The following AHI1 variants were observed in gnomAD, a reference collection of about 807,000 sequenced individuals.
AHI1 encodes the protein Abelson helper integration site 1, also known as jouberin.
In AHI1, 123 loss-of-function variants were observed where a neutral mutation model predicts 149.3. The ratio of observed to expected loss-of-function variants is 0.82; its 90% confidence interval spans 0.71 to 0.96. The LOEUF (loss-of-function observed/expected upper bound fraction) is 0.96, where lower values mean the gene tolerates loss of function less well. Ranked by LOEUF, AHI1 falls within the 40% of genes least tolerant of loss-of-function variation. The pLI, the probability that AHI1 is intolerant of heterozygous loss-of-function variation, is 0.00. For missense variants in AHI1, 1,439 were observed against 1,422.7 expected (o/e 1.01, Z -0.18); for synonymous variants, 475 against 459.8 (o/e 1.03, Z -0.42).
At chr6:135,441,528 CA>C (rs1786293118) in intron 14 of AHI1, among the ~76,000 whole-genome samples, 1 of 149,276 alleles carries the variant, frequency 6.7e-6, no homozygotes, top group Non-Finnish European at 1.5e-5. Context: ...AAACCAAAGA[CA>C]AAGATTCCTC....
At chr6:135,407,904 G>A (rs993219737) in intron 21 of AHI1, among the ~76,000 whole-genome samples, 3 of 151,846 alleles carry the variant, frequency 2.0e-5, no homozygotes, top group East Asian at 3.9e-4. Context: ...GCGTGGTGGC[G>A]GGCACCTGTA....
At chr6:135,496,223 T>C (rs1009696162) in intron 2 of AHI1, among the ~76,000 whole-genome samples, 3 of 152,026 alleles carry the variant, frequency 2.0e-5, no homozygotes. Flanking sequence ...TTCAAGCAAT[T>C]CACCTGCCTC....
intron 5 of AHI1, among the ~76,000 whole-genome samples, chr6:135,482,894 C>T (rs866143341): frequency 0.013 from 743 of 55,672 alleles, 11 homozygotes; most frequent in Middle Eastern, 0.065. Flanking sequence ...CCATTTAAGG[C>T]TTTTTTTTTT....
At chr6:135,444,875 G>C (rs561618872) in intron 13 of AHI1, among the ~76,000 whole-genome samples, 3 of 152,304 alleles carry the variant, frequency 2.0e-5, no homozygotes, top group African/African-American at 7.2e-5. Context: ...ATTATGAAAA[G>C]AAGTTGACTT....
chr6:135,452,977 T>C (rs913028790), intron 11 of AHI1, among the ~76,000 whole-genome samples: 13 of 152,202 alleles, frequency 8.5e-5, no homozygotes, highest in Non-Finnish European at 1.5e-4. Context: ...GTTTTATGTT[T>C]GTGTTGCTGG....
At chr6:135,444,065 A>C (rs1040093838) in intron 13 of AHI1, among the ~76,000 whole-genome samples, 12 of 152,178 alleles carry the variant, frequency 7.9e-5, no homozygotes, top group African/African-American at 1.2e-4. Flanking sequence ...ACTCAATGAA[A>C]GTCTGATAAC....
chr6:135,374,342 G>C (rs113582332), intron 23 of AHI1, among the ~76,000 whole-genome samples: 2,670 of 151,712 alleles, frequency 0.018, 41 homozygotes, highest in African/African-American at 0.034. Flanking sequence ...TCGATCTCCT[G>C]ACCTCGTGAT....
chr6:135,338,174 C>T (rs909574412), intron 24 of AHI1, among the ~76,000 whole-genome samples: 14 of 151,736 alleles, frequency 9.2e-5, no homozygotes, highest in African/African-American at 3.4e-4. Flanking sequence ...GTGGCGCACA[C>T]CTGTAATCCC....
chr6:135,357,922 G>A lies in AHI1; in HGVS notation c.3165+210C>T, dbSNP rs374382857. On this transcript the variant is annotated intron_variant, in intron 24 of 28. Coordinates refer to ENST00000265602, the MANE Select transcript of AHI1 (RefSeq NM_001134831.2). The stretch of plus-strand genomic sequence containing the variant: ...ACAAAATAACATTCATTTTTAGAAG[G>A]GTAAAAATCAATTTGCACAAATACT... Among the ~76,000 whole-genome samples the A allele has an allele frequency of 1.7e-3, 255 of 151,736 alleles. 1 individual carries two copies. Among genetic ancestry groups the A allele is most frequent in the African/African-American group, 5.9e-3 (244 of 41,376 alleles).
At chr6:135,329,849 G>T (rs1170729335) in intron 24 of AHI1, among the ~76,000 whole-genome samples, 1 of 152,124 alleles carries the variant, frequency 6.6e-6, no homozygotes, top group Non-Finnish European at 1.5e-5. Flanking sequence ...CATTAACAGG[G>T]GTGTGGAAGG....
intron 21 of AHI1, among the ~76,000 whole-genome samples, chr6:135,408,608 GAAGA>G (rs1232195105): frequency 2.0e-5 from 3 of 152,106 alleles, no homozygotes; most frequent in Non-Finnish European, 4.4e-5. Context: ...ACTTTAGAAA[GAAGA>G]GAGAGGAAGA....
intron 23 of AHI1, among the ~76,000 whole-genome samples, chr6:135,365,353 G>C (rs1774017159): frequency 6.6e-6 from 1 of 152,074 alleles, no homozygotes; most frequent in Admixed American, 6.5e-5. Context: ...AAATGATGGT[G>C]GTATTTTGAT....
intron 24 of AHI1, among the ~76,000 whole-genome samples, chr6:135,327,898 C>T (rs796717895): frequency 2.4e-4 from 37 of 152,156 alleles, no homozygotes; most frequent in African/African-American, 8.0e-4. Context: ...CTTCATAGAT[C>T]GCTCTACGTA....
chr6:135,409,754 G>A (rs1002171585), intron 21 of AHI1, among the ~76,000 whole-genome samples: 6 of 152,040 alleles, frequency 3.9e-5, no homozygotes, highest in East Asian at 1.9e-4. Context: ...AAAATCAAGC[G>A]ATTTCACTAG....
Position 135,433,086 on chromosome 6 carries a change from A to T in AHI1, c.2207T>A (p.Leu736Ter). Residue 736 changes from leucine (L) to a stop codon, truncating the protein, a stop_gained, in exon 16 of 29, where the codon TTG (leucine) becomes TAG (stop). Transcript: ENST00000265602. LOFTEE classifies it high-confidence loss of function. ...KVEMREDSAI[L>*]VRQFDVHKSF... ...TTTGTGAACATCAAACTGTCGGACC[A>T]ATATGGCAGAATCTTCTCTCATCTC... is the stretch of plus-strand genomic sequence containing the variant. 1.2e-6 allele frequency: 2 copies of T among 1,613,752 alleles called. No homozygotes were observed. The highest frequency in any genetic ancestry group is 2.2e-5 in the South Asian group (2 of 91,080).
At position 135,457,725 on chromosome 6, in the gene AHI1, GA is replaced by G. The variant is rs753114452; in HGVS notation, c.932-13del. The G allele has an allele frequency of 3.0e-5, 47 of 1,589,410 alleles. No individual in the cohort carries two copies. The highest frequency in any genetic ancestry group is 7.9e-5 in the South Asian group (7 of 88,540). ...ATTATTATCTGCAACTACACGCATGGAAAAAAAAATCAATGTTATAATTAGT... is the reference window on the plus strand; with the variant it reads ...ATTATTATCTGCAACTACACGCATGGAAAAAAAATCAATGTTATAATTAGT... On this transcript the variant is annotated splice_polypyrimidine_tract_variant and intron_variant, in intron 8 of 28. Transcript: ENST00000265602.
chr6:135,301,032 C>G (rs1040895623), intron 26 of AHI1: 1 of 984,592 alleles, frequency 1.0e-6, no homozygotes, highest in South Asian at 4.7e-5. Context: ...TTCAGTATAT[C>G]TTGTTTTATT....
chr6:135,461,103 A>G (rs540644116), intron 8 of AHI1, among the ~76,000 whole-genome samples: 1 of 151,464 alleles, frequency 6.6e-6, no homozygotes, highest in East Asian at 1.9e-4. Flanking sequence ...AAAGACACCA[A>G]TGAGAGAGAA....
chr6:135,405,047 C>CAATTAGA, intron 21 of AHI1, 70 bp from the exon 22 acceptor site: 3 of 1,308,490 alleles, frequency 2.3e-6, no homozygotes. Context: ...GCAAAACACT[C>CAATTAGA]AGATGTTTAT....
Sources: gnomAD v4.1 joint callset for allele counts (sites outside exome capture counted in the v4.1 genomes callset) on GRCh38, gnomAD v4.1.1 for gene constraint, MANE v1.5 for transcripts, NCBI Gene and HGNC (gene_info 2026-07-23, HGNC 2026-07-21) for gene names.